SPAG17: variants seen among roughly 807,000 people sequenced by gnomAD.
SPAG17 encodes the protein sperm-associated antigen 17.
In SPAG17, 169 loss-of-function variants were observed where a neutral mutation model predicts 273.6. The ratio of observed to expected loss-of-function variants is 0.62; its 90% confidence interval spans 0.55 to 0.70. The LOEUF (loss-of-function observed/expected upper bound fraction) is 0.70. Among genes scored for constraint, SPAG17 ranks in the 30% least tolerant of loss-of-function variants. SPAG17 has a pLI of 0.00. For synonymous variants in SPAG17, 825 were observed against 873.2 expected, an observed-to-expected ratio of 0.94 and a Z score of 0.97; for missense variants, 2,557 against 2,627.8, an observed-to-expected ratio of 0.97 and a Z score of 0.59.
intron 1 of SPAG17, among the ~76,000 whole-genome samples, chr1:118,177,192 G>T (rs1660732843): frequency 6.6e-6 from 1 of 152,116 alleles, no homozygotes; most frequent in African/African-American, 2.4e-5. Flanking sequence ...AAAGAAAAGA[G>T]GTTTAATGAC....
At chr1:118,038,901 T>A (rs934806225) in intron 23 of SPAG17, among the ~76,000 whole-genome samples, 2 of 152,112 alleles carry the variant, frequency 1.3e-5, no homozygotes, top group Non-Finnish European at 2.9e-5. Context: ...AAGGGTAATG[T>A]AAACTTTAGA....
chr1:117,991,590 A>G, intron 36 of SPAG17, 62 bp from the exon 37 acceptor site: 1 of 1,007,772 alleles, frequency 9.9e-7, no homozygotes, highest in Non-Finnish European at 1.5e-6. Flanking sequence ...GAGATACAAA[A>G]ATGGTCATCA....
intron 1 of SPAG17, among the ~76,000 whole-genome samples, chr1:118,156,040 T>G (rs945924172): frequency 6.6e-6 from 1 of 152,260 alleles, no homozygotes; most frequent in Non-Finnish European, 1.5e-5. Flanking sequence ...AGAATACTAT[T>G]AACGACCATG....
chr1:118,162,901 C>T (rs1041749784), intron 1 of SPAG17, among the ~76,000 whole-genome samples: 2 of 152,030 alleles, frequency 1.3e-5, no homozygotes, highest in South Asian at 2.1e-4. Context: ...AGTACTCACA[C>T]AGTAAATATT....
rs1175169849 is a variant in SPAG17 at position 118,099,706 on chromosome 1, A to T, written c.729T>A (p.Pro243=). 1 of 1,613,976 alleles carries T rather than the reference A, an allele frequency of 6.2e-7. No individual in the cohort carries two copies. Among genetic ancestry groups the T allele is most frequent in the South Asian group, 1.1e-5 (1 of 91,078 alleles). ...AAGATATTTTAATCACGCTGGTTAT[A>T]GGAATGCCAAGCTCAGCCATAATTG... ...LLAIMAELGI[P]ITSVIKISSE... Residue 243 remains proline (P), a synonymous_variant, in exon 6 of 49, where the codon CCT becomes CCA. Coordinates refer to ENST00000336338, the MANE Select transcript of SPAG17 (RefSeq NM_206996.4).
chr1:118,015,937 T>C, intron 29 of SPAG17, 28 bp downstream of exon 29: 2 of 1,602,114 alleles, frequency 1.2e-6, no homozygotes, highest in African/African-American at 2.7e-5. Context: ...ACTTAGAAAA[T>C]TTTGCAATAA....
At chr1:118,159,032 C>A (rs985073766) in intron 1 of SPAG17, among the ~76,000 whole-genome samples, 1 of 152,202 alleles carries the variant, frequency 6.6e-6, no homozygotes, top group South Asian at 2.1e-4. Flanking sequence ...GCCAAAACCA[C>A]ACACTAAAGA....
At chr1:118,018,885 T>C (rs1247788071) in intron 28 of SPAG17, among the ~76,000 whole-genome samples, 2 of 151,850 alleles carry the variant, frequency 1.3e-5, no homozygotes, top group Admixed American at 6.6e-5. Flanking sequence ...ATTTGGTATA[T>C]AATAAACGGA....
Position 118,039,331 on chromosome 1 carries a change from C to T in SPAG17, c.3280G>A (p.Glu1094Lys), listed in dbSNP as rs867321606. The change falls in exon 23 of 49, where the codon GAG becomes AAG. Residue 1094 changes from glutamate to lysine, a missense_variant. Coordinates refer to ENST00000336338, the MANE Select transcript of SPAG17 (RefSeq NM_206996.4). ...TGTTCCTCATCTCCTTCTTCTTCCT[C>T]TTCTAAATAATAATCCCCTTTCTCT... ...KEEKGDYYLE[E>K]EEEGDEEQSL... is the part of the protein sequence containing the mutation. 1.9e-6 allele frequency: 3 copies of T among 1,613,440 alleles called. No homozygotes were observed. The highest frequency in any genetic ancestry group is 4.5e-5 in the East Asian group (2 of 44,858).
chr1:118,092,189 G>A (rs41310092), intron 8 of SPAG17, among the ~76,000 whole-genome samples, 187 bp from the exon 9 acceptor site: 1 of 152,106 alleles, frequency 6.6e-6, no homozygotes, highest in East Asian at 1.9e-4. Context: ...GAAGGTAATG[G>A]TATAGACATT....
chr1:118,009,523 T>A (rs1659253623), intron 30 of SPAG17, among the ~76,000 whole-genome samples: 1 of 152,136 alleles, frequency 6.6e-6, no homozygotes. Flanking sequence ...TACCGTTTCC[T>A]TTTTTCTGAT....
intron 4 of SPAG17, among the ~76,000 whole-genome samples, chr1:118,108,899 ACACTTAATCTTAAGTTATTCT>A (rs1656579670): frequency 6.6e-6 from 1 of 152,130 alleles, no homozygotes; most frequent in South Asian, 2.1e-4. Context: ...CCTATCTAGA[ACACTTAATCTTAAGTTATTCT>A]CACTTTTTAA....
chr1:118,170,912 C>G (rs377062860), intron 1 of SPAG17, among the ~76,000 whole-genome samples: 2 of 152,232 alleles, frequency 1.3e-5, no homozygotes, highest in East Asian at 3.9e-4. Flanking sequence ...AGCAGGCAGG[C>G]TAATTAGACT....
intron 28 of SPAG17, among the ~76,000 whole-genome samples, chr1:118,020,956 T>C (rs147288975): frequency 5.8e-4 from 88 of 152,298 alleles, no homozygotes; most frequent in Middle Eastern, 3.4e-3. Context: ...TGCCCATGGC[T>C]GTTTTTATGC....
At chr1:118,183,544 T>C (rs1334683300) in intron 1 of SPAG17, among the ~76,000 whole-genome samples, 1 of 152,212 alleles carries the variant, frequency 6.6e-6, no homozygotes, top group Non-Finnish European at 1.5e-5. Context: ...TACATATTAC[T>C]TTGAGTTCAA....
At chr1:118,066,515 C>G (rs1190528414) in intron 18 of SPAG17, among the ~76,000 whole-genome samples, 1 of 152,134 alleles carries the variant, frequency 6.6e-6, no homozygotes, top group Non-Finnish European at 1.5e-5. Flanking sequence ...TCCACGAGGG[C>G]AAGAATGACA....
At chr1:118,039,157 T>G (rs1177144324) in intron 23 of SPAG17, 135 bp downstream of exon 23, 2 of 912,920 alleles carry the variant, frequency 2.2e-6, no homozygotes, top group Non-Finnish European at 3.3e-6. Context: ...GGCAACTTCA[T>G]GCACTATTAA....
chr1:118,099,304 CTT>C (rs1491114556), intron 6 of SPAG17, among the ~76,000 whole-genome samples: 1 of 152,148 alleles, frequency 6.6e-6, no homozygotes, highest in African/African-American at 2.4e-5. Flanking sequence ...TTAGGTAAAA[CTT>C]ATAGATCAAA....
At chr1:118,028,509 G>A (rs2101868354) in intron 25 of SPAG17, 115 bp from the exon 26 acceptor site, 2 of 1,316,000 alleles carry the variant, frequency 1.5e-6, no homozygotes, top group Non-Finnish European at 2.1e-6. Flanking sequence ...ACAGAGCTAG[G>A]TGGCCCCTGC....
Sources: gnomAD v4.1 joint callset for allele counts (sites outside exome capture counted in the v4.1 genomes callset) on GRCh38, gnomAD v4.1.1 for gene constraint, MANE v1.5 for transcripts, NCBI Gene and HGNC (gene_info 2026-07-23, HGNC 2026-07-21) for gene names.